The following ARHGAP8 variants were observed in gnomAD, a reference collection of about 807,000 sequenced individuals.
The protein encoded by ARHGAP8 is Rho GTPase activating protein 8, also known as rho GTPase-activating protein 8.
ARHGAP8 carries 62 observed loss-of-function variants against 46.1 expected under a neutral mutation model. The ratio of observed to expected loss-of-function variants is 1.34; its 90% CI spans 1.10 to 1.66. ARHGAP8 has a LOEUF of 1.66. ARHGAP8 is among the 40% of genes most tolerant of loss of function. ARHGAP8 has a pLI of 0.00. For synonymous variants in ARHGAP8, 375 were observed against 243.1 expected (o/e 1.54, Z -5.05); for missense variants, 923 against 568.4 (o/e 1.62, Z -6.34).
At chr22:44,814,635 G>T in intron 4 of ARHGAP8, 37 bp from the exon 5 acceptor site, 3 of 1,594,056 alleles carry the variant, frequency 1.9e-6, no homozygotes, top group Non-Finnish European at 2.6e-6. Flanking sequence ...TTCTCGGAGC[G>T]CGGCAGCCTG....
intron 4 of ARHGAP8, among the ~76,000 whole-genome samples, chr22:44,812,620 G>T (rs1929420415): frequency 6.6e-6 from 1 of 152,040 alleles, no homozygotes; most frequent in Admixed American, 6.6e-5. Context: ...CTCCCAAAGA[G>T]TTGGGATTAC....
chr22:44,822,675 A>G (rs180805050), intron 6 of ARHGAP8, among the ~76,000 whole-genome samples: 59 of 152,366 alleles, frequency 3.9e-4, no homozygotes, highest in African/African-American at 1.4e-3. Context: ...GGTTGTATAC[A>G]GGACGGGATG....
intron 6 of ARHGAP8, among the ~76,000 whole-genome samples, chr22:44,824,923 G>C (rs917910840): frequency 1.3e-5 from 2 of 151,738 alleles, no homozygotes; most frequent in Admixed American, 6.6e-5. Flanking sequence ...GTGAGCCACC[G>C]TGCCGAGCAC....
intron 1 of ARHGAP8, among the ~76,000 whole-genome samples, chr22:44,784,675 G>C (rs1927084990): frequency 6.6e-6 from 1 of 152,134 alleles, no homozygotes; most frequent in Non-Finnish European, 1.5e-5. Context: ...CTCATCTCAG[G>C]ATCCTTAACT....
At chr22:44,766,335 T>C (rs1372265255) in intron 1 of ARHGAP8, 1 of 153,788 alleles carries the variant, frequency 6.5e-6, no homozygotes, top group Non-Finnish European at 1.5e-5. Context: ...AGGAGTGTCC[T>C]TGAGGAACTT....
intron 3 of ARHGAP8, among the ~76,000 whole-genome samples, chr22:44,804,362 G>A (rs1305993415): frequency 1.3e-5 from 2 of 151,896 alleles, no homozygotes; most frequent in Non-Finnish European, 2.9e-5. Context: ...CAGCACCTCT[G>A]CTGGAATCCC....
intron 1 of ARHGAP8, among the ~76,000 whole-genome samples, chr22:44,773,015 T>TA (rs1242478547): frequency 1.3e-5 from 2 of 152,076 alleles, no homozygotes; most frequent in Non-Finnish European, 2.9e-5. Flanking sequence ...TGAGGTCTCA[T>TA]ATGTTGCCCA....
intron 2 of ARHGAP8, chr22:44,801,774 G>C: frequency 2.7e-6 from 1 of 367,338 alleles, no homozygotes; most frequent in African/African-American, 2.1e-5. Flanking sequence ...CTCGATTTAA[G>C]TCCTTGGTGC....
chr22:44,834,152 C>T (rs1236103326), intron 7 of ARHGAP8, among the ~76,000 whole-genome samples: 5 of 152,018 alleles, frequency 3.3e-5, no homozygotes, highest in African/African-American at 4.8e-5. Context: ...TTTATTTCTA[C>T]TCCAGTCTTT....
chr22:44,858,374 T>C (rs111624793), intron 10 of ARHGAP8, among the ~76,000 whole-genome samples: 7 of 123,556 alleles, frequency 5.7e-5, no homozygotes, highest in East Asian at 4.1e-4. Context: ...TGGTGGTTTT[T>C]TTTTTTTTTT....
At chr22:44,783,123 G>T (rs1012094242) in intron 1 of ARHGAP8, among the ~76,000 whole-genome samples, 2 of 137,358 alleles carry the variant, frequency 1.5e-5, no homozygotes, top group African/African-American at 5.4e-5. Context: ...AATCTTCTCA[G>T]GGCCCAGGAG....
chr22:44,754,976 A>G (rs1924553690), intron 1 of ARHGAP8, among the ~76,000 whole-genome samples: 1 of 151,812 alleles, frequency 6.6e-6, no homozygotes, highest in South Asian at 2.1e-4. Flanking sequence ...TAGGCAGGTC[A>G]CTCTCCTTCT....
At chr22:44,833,918 A>G (rs5766076) in intron 7 of ARHGAP8, among the ~76,000 whole-genome samples, 19,170 of 152,152 alleles carry the variant, frequency 0.13, 1,565 homozygotes, top group East Asian at 0.31. Context: ...CATTTCGTCT[A>G]GGTTTTCTAA....
chr22:44,860,281 A>G (rs1037579418), intron 11 of ARHGAP8, among the ~76,000 whole-genome samples: 5 of 152,030 alleles, frequency 3.3e-5, no homozygotes, highest in Admixed American at 6.5e-5. Flanking sequence ...CTTAAAACAG[A>G]TTTACTGTGT....
At chr22:44,803,796 C>A (rs565982677) in intron 3 of ARHGAP8, among the ~76,000 whole-genome samples, 1 of 147,176 alleles carries the variant, frequency 6.8e-6, no homozygotes, top group Admixed American at 6.9e-5. Context: ...GGAACACACC[C>A]CCTCCTGTGC....
intron 2 of ARHGAP8, among the ~76,000 whole-genome samples, chr22:44,797,752 G>A (rs1291840841): frequency 2.6e-5 from 4 of 152,298 alleles, no homozygotes; most frequent in African/African-American, 4.8e-5. Context: ...CACACTGTGC[G>A]CGCGTGTGTG....
chr22:44,774,461 T>C (rs1926268090), intron 1 of ARHGAP8, among the ~76,000 whole-genome samples: 1 of 151,850 alleles, frequency 6.6e-6, no homozygotes, highest in Non-Finnish European at 1.5e-5. Context: ...GTCTTTATGG[T>C]AGCAGAGACT....
intron 4 of ARHGAP8, among the ~76,000 whole-genome samples, chr22:44,813,888 A>C (rs547331543): frequency 6.6e-6 from 1 of 152,314 alleles, no homozygotes; most frequent in Non-Finnish European, 1.5e-5. Flanking sequence ...GCTTCCAAAA[A>C]TTCCTGAAAT....
intron 1 of ARHGAP8, among the ~76,000 whole-genome samples, chr22:44,774,815 C>T (rs1405696037): frequency 6.6e-6 from 1 of 151,454 alleles, no homozygotes; most frequent in East Asian, 2.0e-4. Flanking sequence ...AGCCACCGTG[C>T]CTGGCCTTTT....
Sources: gnomAD v4.1 joint callset for allele counts (sites outside exome capture counted in the v4.1 genomes callset) on GRCh38, gnomAD v4.1.1 for gene constraint, MANE v1.5 for transcripts, NCBI Gene and HGNC (gene_info 2026-07-23, HGNC 2026-07-21) for gene names.